Variants in FAM120C observed in about 807,000 individuals in gnomAD.
The protein encoded by FAM120C is constitutive coactivator of PPAR-gamma-like protein 2.
FAM120C carries 14 observed loss-of-function variants against 71.2 expected under a neutral mutation model. The ratio of observed to expected loss-of-function variants is 0.20; its 90% CI spans 0.13 to 0.31. The LOEUF (loss-of-function observed/expected upper bound fraction) is 0.31. Among genes scored for constraint, FAM120C ranks in the 10% least tolerant of loss-of-function variants. The probability of loss-of-function intolerance (pLI) is 1.00; values close to 1 mark genes in which losing one functional copy is unlikely to be tolerated. For synonymous variants in FAM120C, 354 were observed against 353.2 expected, an observed-to-expected ratio of 1.00 and a Z score of -0.03; for missense variants, 500 against 879.0, an observed-to-expected ratio of 0.57 and a Z score of 5.45.
chrX:54,163,025 T>C (rs1419829349), intron 1 of FAM120C, among the ~76,000 whole-genome samples: 2 of 111,393 alleles, frequency 1.8e-5, no homozygotes, highest in Non-Finnish European at 3.8e-5. Flanking sequence ...AAATAATGAG[T>C]GTTGGCAAGG....
intron 1 of FAM120C, among the ~76,000 whole-genome samples, chrX:54,178,969 A>G (rs912316689): frequency 8.9e-6 from 1 of 111,957 alleles, no homozygotes; most frequent in Non-Finnish European, 1.9e-5. Flanking sequence ...TTTTTTTCTA[A>G]TTACACAGTA....
intron 11 of FAM120C, among the ~76,000 whole-genome samples, chrX:54,089,797 TAAAA>T (rs1304354254): frequency 1.8e-5 from 2 of 109,965 alleles, no homozygotes; most frequent in African/African-American, 6.6e-5. Context: ...CCGTCTCTAC[TAAAA>T]ATACAAAATT....
At chrX:54,137,169 T>A (rs1226598663) in intron 4 of FAM120C, among the ~76,000 whole-genome samples, 3 of 110,981 alleles carry the variant, frequency 2.7e-5, no homozygotes, top group Non-Finnish European at 5.7e-5. Context: ...GCCAGGCTGG[T>A]CTCGAACTCC....
At chrX:54,076,957 T>C (rs1603351229) in intron 15 of FAM120C, among the ~76,000 whole-genome samples, 1 of 111,338 alleles carries the variant, frequency 9.0e-6, no homozygotes, top group East Asian at 2.8e-4. Context: ...CTGGGCATGG[T>C]GGCATGCACC....
intron 15 of FAM120C, among the ~76,000 whole-genome samples, chrX:54,079,854 G>T (rs1346619451): frequency 9.0e-6 from 1 of 111,466 alleles, no homozygotes; most frequent in Non-Finnish European, 1.9e-5. Context: ...CAAAGGCAAA[G>T]AAGTCCAATT....
intron 10 of FAM120C, among the ~76,000 whole-genome samples, chrX:54,106,063 A>T (rs1471493001): frequency 8.9e-6 from 1 of 112,051 alleles, no homozygotes; most frequent in Non-Finnish European, 1.9e-5. Context: ...AAACTACTTT[A>T]AATTTCATAT....
intron 10 of FAM120C, among the ~76,000 whole-genome samples, chrX:54,107,365 G>C (rs963533555): frequency 1.0e-4 from 11 of 109,739 alleles, no homozygotes; most frequent in African/African-American, 3.6e-4. Context: ...ACAAAGTGCT[G>C]GGATTATGGG....
intron 4 of FAM120C, among the ~76,000 whole-genome samples, chrX:54,136,935 TTTA>T (rs2067097597): frequency 9.3e-6 from 1 of 107,719 alleles, no homozygotes; most frequent in South Asian, 3.9e-4. Context: ...ATGTTTTAAT[TTTA>T]TTATTTTATT....
At chrX:54,124,593 C>G (rs1371214348) in intron 9 of FAM120C, among the ~76,000 whole-genome samples, 8 of 95,991 alleles carry the variant, frequency 8.3e-5, no homozygotes, top group Non-Finnish European at 1.3e-4. Flanking sequence ...ACGGTGCGCA[C>G]ACACACTGGC....
At chrX:54,170,395 A>C (rs1471286867) in intron 1 of FAM120C, among the ~76,000 whole-genome samples, 3 of 111,304 alleles carry the variant, frequency 2.7e-5, no homozygotes, top group Admixed American at 9.6e-5. Context: ...GGCCTCCCCA[A>C]GTGCTAGGAT....
chrX:54,103,647 CATT>C (rs1557124425), intron 10 of FAM120C, among the ~76,000 whole-genome samples: 1 of 111,230 alleles, frequency 9.0e-6, no homozygotes, highest in Non-Finnish European at 1.9e-5. Flanking sequence ...GGATCTTATT[CATT>C]ATTATCTGCT....
At chrX:54,077,436 A>G (rs1476729208) in intron 15 of FAM120C, among the ~76,000 whole-genome samples, 3 of 111,358 alleles carry the variant, frequency 2.7e-5, no homozygotes, top group Non-Finnish European at 3.8e-5. Flanking sequence ...TCATTCCTAT[A>G]ATCCCGGCAC....
At chrX:54,167,147 A>G (rs2067263580) in intron 1 of FAM120C, among the ~76,000 whole-genome samples, 1 of 112,130 alleles carries the variant, frequency 8.9e-6, no homozygotes, top group Non-Finnish European at 1.9e-5. Context: ...CAAGTTTAAA[A>G]AACACTTATC....
At chrX:54,117,707 CA>C (rs1211220499) in intron 9 of FAM120C, among the ~76,000 whole-genome samples, 1 of 103,865 alleles carries the variant, frequency 9.6e-6, no homozygotes, top group Non-Finnish European at 2.0e-5. Context: ...GAAAAAAAAA[CA>C]AAAAAAAACA....
chrX:54,078,504 C>G (rs1354393087), intron 15 of FAM120C, among the ~76,000 whole-genome samples: 3 of 111,637 alleles, frequency 2.7e-5, no homozygotes, highest in Non-Finnish European at 5.6e-5. Context: ...GACTTACTAT[C>G]TAGTTCCATT....
chrX:54,076,642 A>C (rs782794293), intron 15 of FAM120C, among the ~76,000 whole-genome samples: 5 of 111,902 alleles, frequency 4.5e-5, no homozygotes, highest in African/African-American at 1.6e-4. Context: ...GAGAAACTTA[A>C]GATCACCTAC....
intron 11 of FAM120C, among the ~76,000 whole-genome samples, chrX:54,089,286 T>G (rs1219295865): frequency 4.5e-5 from 5 of 111,627 alleles, no homozygotes; most frequent in African/African-American, 1.6e-4. Context: ...ACATAAATAC[T>G]ACCTCAACTA....
In FAM120C at chrX:54,130,674, C is replaced by T. The variant is rs1199783016; in HGVS notation, c.2062+2018G>A. ...CCCCAGCAGGAGCAGGTAGGGGCACCTCATTACAGCCTGGGCAAGTATGGA... is the reference window on the plus strand; with the variant it reads ...CCCCAGCAGGAGCAGGTAGGGGCACTTCATTACAGCCTGGGCAAGTATGGA... On this transcript the variant is annotated intron_variant, in intron 9 of 15. Coordinates refer to ENST00000375180, the MANE Select transcript of FAM120C (RefSeq NM_017848.6). Among the ~76,000 whole-genome samples the T allele has an allele frequency of 9.0e-5, 10 of 111,257 alleles. 1 individual carries two copies. The highest frequency in any genetic ancestry group is 7.5e-5 in the Non-Finnish European group (4 of 53,082).
In FAM120C at chrX:54,132,804, A is replaced by T; in HGVS notation, c.1950T>A (p.Ala650=). 1 of 1,208,267 alleles carries T rather than the reference A, an allele frequency of 8.3e-7. No homozygotes were observed. The highest frequency in any genetic ancestry group is 1.1e-6 in the Non-Finnish European group (1 of 893,435). Reference sequence around the variant, plus strand: ...GACGAGCTGACCGGAATAAGAGAGCAGCTGGAGGCAGCTCCATGTTACACT... The same window carrying T: ...GACGAGCTGACCGGAATAAGAGAGCTGCTGGAGGCAGCTCCATGTTACACT... ...EDECNMELPP[A]ALLFRSARQY... The change falls in exon 9 of 16, where the codon GCT becomes GCA. Residue 650 remains alanine, a synonymous_variant. Transcript: ENST00000375180.
Sources: gnomAD v4.1 joint callset for allele counts (sites outside exome capture counted in the v4.1 genomes callset) on GRCh38, gnomAD v4.1.1 for gene constraint, MANE v1.5 for transcripts, NCBI Gene and HGNC (gene_info 2026-07-23, HGNC 2026-07-21) for gene names.